ZFPM1: variants seen among roughly 807,000 people sequenced by gnomAD.
ZFPM1 encodes the protein zinc finger protein, FOG family member 1, also known as zinc finger protein ZFPM1.
Under a neutral mutation model 46.3 loss-of-function variants are expected in ZFPM1, and 28 were observed. That is an observed-to-expected ratio of 0.60 (90% CI 0.45 to 0.83). The LOEUF (loss-of-function observed/expected upper bound fraction) is 0.83. Ranked by LOEUF, ZFPM1 falls within the 40% of genes least tolerant of loss-of-function variation. The pLI, the probability that ZFPM1 is intolerant of heterozygous loss-of-function variation, is 0.00. For missense variants in ZFPM1, 1,878 were observed against 1,432.4 expected, an observed-to-expected ratio of 1.31 and a Z score of -5.02; for synonymous variants, 957 against 675.9, an observed-to-expected ratio of 1.42 and a Z score of -6.45.
chr16:88,461,240 T>TGGGAGGCCTGGTGAGGACCGA (rs1907869743), intron 1 of ZFPM1, among the ~76,000 whole-genome samples: 2 of 70,798 alleles, frequency 2.8e-5, no homozygotes, highest in South Asian at 4.7e-4. Flanking sequence ...GACCCAGGGG[T>TGGGAGGCCTGGTGAGGACCGA]GGGGCGGGAG....
chr16:88,485,924 G>A lies in ZFPM1; in HGVS notation c.41-15G>A, dbSNP rs368773564. On this transcript the variant is annotated splice_polypyrimidine_tract_variant and intron_variant, in intron 1 of 9. Coordinates refer to ENST00000319555, the MANE Select transcript of ZFPM1 (RefSeq NM_153813.3). ...CCAGAGCTCCTCCCGAACCCCCATC[G>A]TCTTGTGTCCACAGGTTCCCTCGGA... The A allele has an allele frequency of 7.3e-5, 117 of 1,612,058 alleles. No homozygotes were observed. The East Asian group carries it at 1.3e-3, about 18-fold the overall frequency.
At chr16:88,464,701 G>A (rs996376095) in intron 1 of ZFPM1, among the ~76,000 whole-genome samples, 2 of 152,286 alleles carry the variant, frequency 1.3e-5, no homozygotes, top group African/African-American at 4.8e-5. Context: ...ACAGGCTGCG[G>A]CCTGGTCCGC....
intron 1 of ZFPM1, among the ~76,000 whole-genome samples, chr16:88,482,504 G>A (rs1908993780): frequency 6.6e-6 from 1 of 152,188 alleles, no homozygotes; most frequent in Non-Finnish European, 1.5e-5. Context: ...AGGAGCCTTT[G>A]TTCTTGTGTA....
Position 88,533,536 on chromosome 16 carries a change from TC to T in ZFPM1, c.1580del (p.Pro527ArgfsTer271). ...ELGLAGALFL[P>X]QYVFGPDAAP... ...TGGGCCTGGCCGGGGCCCTGTTCCTTCCGCAGTACGTGTTCGGGCCCGACGC... is the reference window on the plus strand; with the variant it reads ...TGGGCCTGGCCGGGGCCCTGTTCCTTCGCAGTACGTGTTCGGGCCCGACGC... On this transcript the variant is annotated frameshift_variant, in exon 10 of 10. Transcript: ENST00000319555. LOFTEE classifies it low-confidence loss of function (END_TRUNC). 1 of 1,461,306 alleles carries T rather than the reference TC, an allele frequency of 6.8e-7. No homozygotes were observed. The highest frequency in any genetic ancestry group is 1.3e-5 in the South Asian group (1 of 78,768). 90.5% of individuals were successfully genotyped at this position (1,461,306 alleles called of 1,614,324 possible).
At chr16:88,465,438 T>C (rs888537102) in intron 1 of ZFPM1, among the ~76,000 whole-genome samples, 1 of 152,194 alleles carries the variant, frequency 6.6e-6, no homozygotes, top group Non-Finnish European at 1.5e-5. Flanking sequence ...TCTTGGGCCA[T>C]GTCTCTGTGC....
intron 1 of ZFPM1, among the ~76,000 whole-genome samples, chr16:88,485,140 G>C (rs1216061574): frequency 6.6e-6 from 1 of 152,214 alleles, no homozygotes; most frequent in Non-Finnish European, 1.5e-5. Flanking sequence ...GGCACTGGCA[G>C]GTGATGCCAG....
At position 88,471,299 on chromosome 16, in the gene ZFPM1, G is replaced by T. The variant is rs530283539; in HGVS notation, c.41-14640G>T. Among the ~76,000 whole-genome samples the T allele has an allele frequency of 6.6e-6, 1 of 152,256 alleles. No homozygotes were observed. Among genetic ancestry groups the T allele is most frequent in the African/African-American group, 2.4e-5 (1 of 41,466 alleles). ...TCCACCCTCGCGAAGGCCAGCGGCC[G>T]CAGGGTCTGGCTTGGGCTATAGCAT... On this transcript the variant is annotated intron_variant, in intron 1 of 9. Transcript: ENST00000319555. The surrounding 1 kb of genome is among the most constrained non-coding windows in gnomAD (Gnocchi z 4.1).
At chr16:88,461,048 GGA>G (rs1907827558) in intron 1 of ZFPM1, among the ~76,000 whole-genome samples, 2 of 118,090 alleles carry the variant, frequency 1.7e-5, no homozygotes, top group African/African-American at 7.5e-5. Flanking sequence ...CCGAGGGGCG[GGA>G]GGCCCTGGTG....
At chr16:88,524,050 T>C (rs1912119951) in intron 4 of ZFPM1, among the ~76,000 whole-genome samples, 1 of 152,238 alleles carries the variant, frequency 6.6e-6, no homozygotes. Flanking sequence ...TGATAAGCAT[T>C]AAACCGGCCG....
At chr16:88,494,010 C>T (rs963067675) in intron 3 of ZFPM1, among the ~76,000 whole-genome samples, 33 of 152,176 alleles carry the variant, frequency 2.2e-4, no homozygotes, top group Non-Finnish European at 3.2e-4. Context: ...CCTCAGTTTC[C>T]GCATCTGTAA....
chr16:88,489,133 G>C lies in ZFPM1; in HGVS notation c.248G>C (p.Gly83Ala). 10 of 1,607,882 alleles carry C rather than the reference G, an allele frequency of 6.2e-6. No individual in the cohort carries two copies. The highest frequency in any genetic ancestry group is 8.5e-6 in the Non-Finnish European group (10 of 1,177,596). Residue 83 changes from glycine (G) to alanine (A), a missense_variant, in exon 3 of 10, where the codon GGC becomes GCC. Transcript: ENST00000319555. ...CCCAGGCCCACGGAGGAAGAGCCGGGCAGTCCCTGGAGCGGGCCAGGTAAC... is the reference window on the plus strand; with the variant it reads ...CCCAGGCCCACGGAGGAAGAGCCGGCCAGTCCCTGGAGCGGGCCAGGTAAC... ...PEPRPTEEEP[G>A]SPWSGPDELE... is the part of the protein sequence containing the mutation.
At chr16:88,525,851 G>A (rs571987555) in intron 4 of ZFPM1, among the ~76,000 whole-genome samples, 2 of 152,224 alleles carry the variant, frequency 1.3e-5, no homozygotes, top group African/African-American at 4.8e-5. Context: ...GCTGGGGGCC[G>A]GGGTGCAATG....
At chr16:88,458,339 G>A (rs905354804) in intron 1 of ZFPM1, among the ~76,000 whole-genome samples, 49 of 152,208 alleles carry the variant, frequency 3.2e-4, no homozygotes, top group African/African-American at 1.2e-3. Context: ...ATGACTGCAA[G>A]GGGGAGGGGG....
intron 2 of ZFPM1, among the ~76,000 whole-genome samples, chr16:88,488,733 G>A (rs753758695): frequency 3.9e-4 from 59 of 152,188 alleles, no homozygotes; most frequent in Non-Finnish European, 6.3e-4. Flanking sequence ...TGGCGACGGC[G>A]CATGTGCCTG....
intron 3 of ZFPM1, among the ~76,000 whole-genome samples, chr16:88,493,907 G>C (rs1909774804): frequency 6.6e-6 from 1 of 152,152 alleles, no homozygotes; most frequent in Non-Finnish European, 1.5e-5. Flanking sequence ...CGGCTTCAAA[G>C]GAGGGCACCT....
rs1913024388 is a variant in ZFPM1, at chr16:88,533,875, G to A, written c.1917G>A (p.Pro639=). ...PAEPDAPRSS[P]GPGAREEGAG... ...AACCCGACGCGCCGCGCTCGTCCCC[G>A]GGCCCCGGAGCGCGCGAGGAGGGGG... The change falls in exon 10 of 10, where the codon CCG becomes CCA. Residue 639 remains proline, a synonymous_variant. Coordinates refer to ENST00000319555, the MANE Select transcript of ZFPM1 (RefSeq NM_153813.3). 1.1e-5 allele frequency: 11 copies of A among 991,136 alleles called. No homozygotes were observed. Among genetic ancestry groups the A allele is most frequent in the Non-Finnish European group, 1.3e-5 (11 of 836,348 alleles). The allele number at this position is 991,136 out of a possible 1,614,324, so 61.4% of individuals were successfully genotyped here.
chr16:88,487,021 C>T (rs1253497863), intron 2 of ZFPM1, among the ~76,000 whole-genome samples: 4 of 152,204 alleles, frequency 2.6e-5, no homozygotes, highest in Non-Finnish European at 4.4e-5. Flanking sequence ...GGCACCTCCA[C>T]ATTCCCTGGG....
At chr16:88,527,910 C>T (rs896734826) in intron 5 of ZFPM1, 122 bp from the exon 6 acceptor site, 1 of 1,030,306 alleles carries the variant, frequency 9.7e-7, no homozygotes, top group Non-Finnish European at 1.4e-6. Context: ...CCCTGGCAGC[C>T]AGCCAGCCAT....
intron 1 of ZFPM1, among the ~76,000 whole-genome samples, chr16:88,479,389 G>A (rs573933431): frequency 1.3e-3 from 191 of 152,216 alleles, no homozygotes; most frequent in Non-Finnish European, 2.1e-3. Flanking sequence ...GGAGGGCGCC[G>A]CTTGGCTGGA....
Sources: gnomAD v4.1 joint callset for allele counts (sites outside exome capture counted in the v4.1 genomes callset) on GRCh38, gnomAD v4.1.1 for gene constraint, Gnocchi (gnomAD v3.1) non-coding constraint, MANE v1.5 for transcripts, NCBI Gene and HGNC (gene_info 2026-07-23, HGNC 2026-07-21) for gene names.